COX5A: variants seen among roughly 807,000 people sequenced by gnomAD.
COX5A encodes the protein cytochrome c oxidase subunit 5A, mitochondrial.
COX5A carries 6 observed loss-of-function variants against 16.1 expected under a neutral mutation model. The ratio of observed to expected loss-of-function variants is 0.37; its 90% CI spans 0.20 to 0.73. The LOEUF (loss-of-function observed/expected upper bound fraction) is 0.73. Among genes scored for constraint, COX5A ranks in the 30% least tolerant of loss-of-function variants. The probability of loss-of-function intolerance (pLI) is 0.50; values close to 1 mark genes in which losing one functional copy is unlikely to be tolerated. For missense variants in COX5A, 159 were observed against 194.9 expected (o/e 0.82, Z 1.10); for synonymous variants, 73 against 73.8 (o/e 0.99, Z 0.06).
Position 74,929,171 on chromosome 15 carries a change from A to G in COX5A, c.162T>C (p.Ala54=). 1 of 1,614,176 alleles carries G rather than the reference A, an allele frequency of 6.2e-7. No homozygotes were observed. Among genetic ancestry groups the G allele is most frequent in the Non-Finnish European group, 8.5e-7 (1 of 1,180,020 alleles). Residue 54 remains alanine (A), a synonymous_variant, in exon 2 of 5, where the codon GCT becomes GCC. Coordinates refer to ENST00000322347, the MANE Select transcript of COX5A (RefSeq NM_004255.4). ...GSQETDEEFD[A]RWVTYFNKPD... ...GCTTGTTGAAGTATGTTACCCAGCG[A>G]GCATCAAACTCCTCATCTGTCTCCT...
chr15:74,923,669 A>G lies in COX5A; in HGVS notation c.441T>C (p.Leu147=). 1.2e-6 allele frequency: 2 copies of G among 1,609,262 alleles called. No homozygotes were observed. Among genetic ancestry groups the G allele is most frequent in the South Asian group, 1.1e-5 (1 of 90,934 alleles). The change falls in exon 4 of 5, where the codon CTT becomes CTC. Residue 147 remains leucine, a synonymous_variant. Coordinates refer to ENST00000322347, the MANE Select transcript of COX5A (RefSeq NM_004255.4). ...LGISTPEELG[L]DKV is the part of the protein sequence containing the mutation. Reference sequence around the variant, plus strand: ...TTACCCATGCGGTTTACACTTTGTCAAGGCCCAGTTCCTCCGGAGTGGAGA... The same window carrying G: ...TTACCCATGCGGTTTACACTTTGTCGAGGCCCAGTTCCTCCGGAGTGGAGA...
At chr15:74,937,163 A>G (rs961755899) in intron 1 of COX5A, among the ~76,000 whole-genome samples, 3 of 152,188 alleles carry the variant, frequency 2.0e-5, no homozygotes, top group Non-Finnish European at 4.4e-5. Context: ...ATAGACAAAA[A>G]TCAGAAGCAC....
Position 74,938,038 on chromosome 15 carries a change from T to A in COX5A, c.-24A>T. On this transcript the variant is annotated 5_prime_UTR_variant, in exon 1 of 5. Transcript: ENST00000322347. ...ATGACGGCGATGGCGGCGCGCGGGC[T>A]GAGGACAGAGAGAAGCCGGTGTAAG... The A allele has an allele frequency of 8.2e-7, 1 of 1,224,032 alleles. No individual in the cohort carries two copies. Among genetic ancestry groups the A allele is most frequent in the Non-Finnish European group, 1.0e-6 (1 of 982,014 alleles). 75.8% of individuals were successfully genotyped at this position (1,224,032 alleles called of 1,614,324 possible). A position where few individuals can be genotyped will look rare whatever the true frequency, so the allele number is the denominator to read the frequency against.
Position 74,926,836 on chromosome 15 carries a change from T to G in COX5A, c.269A>C (p.Asp90Ala), listed in dbSNP as rs1595861566. ...CCGTCTGCATGCCCGCAAAGCAGCA[T>G]CAATGATTTTGGGCTCTGGAACCAT... is the stretch of plus-strand genomic sequence containing the variant. ...YDMVPEPKIIDAALRACRRLN... is the reference protein window; with the variant it reads ...YDMVPEPKIIAAALRACRRLN... The change falls in exon 3 of 5, where the codon GAT becomes GCT. Residue 90 changes from aspartate to alanine, a missense_variant. Coordinates refer to ENST00000322347, the MANE Select transcript of COX5A (RefSeq NM_004255.4). 1.2e-6 allele frequency: 2 copies of G among 1,613,918 alleles called. No individual in the cohort carries two copies. Among genetic ancestry groups the G allele is most frequent in the African/African-American group, 2.7e-5 (2 of 74,932 alleles).
chr15:74,934,213 C>A (rs945273910), intron 1 of COX5A, among the ~76,000 whole-genome samples: 2 of 152,108 alleles, frequency 1.3e-5, no homozygotes, highest in South Asian at 4.1e-4. Flanking sequence ...TGCGCCACTG[C>A]ACTCTAGCCT....
intron 1 of COX5A, among the ~76,000 whole-genome samples, chr15:74,937,471 T>C: frequency 6.6e-6 from 1 of 151,900 alleles, no homozygotes; most frequent in East Asian, 1.9e-4. Flanking sequence ...GATTGAAAAG[T>C]ATAATCGTGT....
In COX5A at chr15:74,923,648, C is replaced by T; in HGVS notation, c.*9G>A. On this transcript the variant is annotated splice_region_variant and 3_prime_UTR_variant, in exon 4 of 5. Transcript: ENST00000322347. ...CCTTCTTCAGTGGTTTGTCGCTTAC[C>T]CATGCGGTTTACACTTTGTCAAGGC... is the stretch of plus-strand genomic sequence containing the variant. 1.3e-6 allele frequency: 2 copies of T among 1,559,426 alleles called. No homozygotes were observed. Among genetic ancestry groups the T allele is most frequent in the South Asian group, 2.2e-5 (2 of 89,890 alleles).
At chr15:74,924,349 C>T (rs1030636485) in intron 3 of COX5A, among the ~76,000 whole-genome samples, 1 of 151,844 alleles carries the variant, frequency 6.6e-6, no homozygotes, top group Non-Finnish European at 1.5e-5. Context: ...CCATCCTGAC[C>T]AACATGGTGA....
At chr15:74,921,447 G>A (rs2065320354) in intron 4 of COX5A, among the ~76,000 whole-genome samples, 1 of 147,150 alleles carries the variant, frequency 6.8e-6, no homozygotes, top group African/African-American at 2.5e-5. Context: ...ATCAATCACA[G>A]GGCCAGACGC....
At chr15:74,924,487 C>T (rs2065334948) in intron 3 of COX5A, among the ~76,000 whole-genome samples, 1 of 151,990 alleles carries the variant, frequency 6.6e-6, no homozygotes, top group Admixed American at 6.6e-5. Context: ...TGACACTACA[C>T]TCCAGCCTAG....
Position 74,929,191 on chromosome 15 carries a change from T to G in COX5A, c.142A>C (p.Thr48Pro), listed in dbSNP as rs1275413654. Reference protein sequence around the residue: ...VRCYSHGSQETDEEFDARWVT... With the variant: ...VRCYSHGSQEPDEEFDARWVT... ...CAGCGAGCATCAAACTCCTCATCTG[T>G]CTCCTGTGACCCATGGGAATAGCAG... Residue 48 changes from threonine (T) to proline (P), a missense_variant, in exon 2 of 5, where the codon ACA (threonine) becomes CCA (proline). Physicochemically the swap from Thr to Pro is conservative, Grantham distance 38. Transcript: ENST00000322347. 13 of 1,613,972 alleles carry G rather than the reference T, an allele frequency of 8.1e-6. No individual in the cohort carries two copies. The highest frequency in any genetic ancestry group is 9.3e-6 in the Non-Finnish European group (11 of 1,179,988).
intron 1 of COX5A, among the ~76,000 whole-genome samples, chr15:74,935,624 T>A (rs979753122): frequency 6.7e-5 from 10 of 150,276 alleles, no homozygotes; most frequent in Non-Finnish European, 1.3e-4. Flanking sequence ...AATAAATAAA[T>A]AAATAAAAAA....
intron 4 of COX5A, 141 bp from the exon 5 acceptor site, chr15:74,920,583 G>A: frequency 1.7e-6 from 1 of 584,468 alleles, no homozygotes; most frequent in South Asian, 2.2e-5. Context: ...CCTGCCTACT[G>A]TCAACCCACA....
chr15:74,929,993 G>T (rs527992350), intron 1 of COX5A, among the ~76,000 whole-genome samples: 4 of 151,574 alleles, frequency 2.6e-5, no homozygotes, highest in Non-Finnish European at 5.9e-5. Flanking sequence ...GCAGGAGAAT[G>T]GCGTGAACCT....
chr15:74,922,603 C>T (rs1253113856), intron 4 of COX5A, among the ~76,000 whole-genome samples: 5 of 152,012 alleles, frequency 3.3e-5, no homozygotes, highest in Non-Finnish European at 5.9e-5. Flanking sequence ...AATCCTTCCA[C>T]CTTAGCCTCC....
intron 1 of COX5A, among the ~76,000 whole-genome samples, chr15:74,934,611 G>A (rs936557533): frequency 1.3e-5 from 2 of 152,150 alleles, no homozygotes; most frequent in Non-Finnish European, 1.5e-5. Context: ...GATTACAGGC[G>A]TGAGCCACCA....
intron 1 of COX5A, among the ~76,000 whole-genome samples, chr15:74,932,027 CTGTT>C (rs1260587758): frequency 2.0e-5 from 3 of 152,218 alleles, no homozygotes; most frequent in Non-Finnish European, 4.4e-5. Flanking sequence ...TTCGCTCTCT[CTGTT>C]TGACCCTGGA....
rs538327866 is a variant in COX5A at position 74,936,271 on chromosome 15, A to AAAAAC, written c.100+1639_100+1643dup. ...ACAAGAACGAAACTCTGTCTCAAGA[A>AAAAAC]AAAACAAAACAAAACAAAACAAAAC... On this transcript the variant is annotated intron_variant, in intron 1 of 4. Coordinates refer to ENST00000322347, the MANE Select transcript of COX5A (RefSeq NM_004255.4). 2.6e-3 allele frequency among the ~76,000 whole-genome samples: 391 copies of AAAAAC among 151,838 alleles called. 2 individuals are homozygous for AAAAAC. Among genetic ancestry groups the AAAAAC allele is most frequent in the African/African-American group, 9.0e-3 (373 of 41,410 alleles).
At position 74,920,079 on chromosome 15, in the gene COX5A, T is replaced by C. The variant is rs1282167301; in HGVS notation, c.*373A>G. 7 of 386,976 alleles carry C rather than the reference T, an allele frequency of 1.8e-5. No individual in the cohort carries two copies. Among genetic ancestry groups the C allele is most frequent in the South Asian group, 1.1e-4 (3 of 26,632 alleles). The allele number at this position is 386,976 out of a possible 1,614,324, so 24.0% of individuals were successfully genotyped here. ...CTAGGGTGTCAACAAGAAAATTCTA[T>C]ATAAATGACTTCTAGCCTTCAGCTA... On this transcript the variant is annotated 3_prime_UTR_variant, in exon 5 of 5. Coordinates refer to ENST00000322347, the MANE Select transcript of COX5A (RefSeq NM_004255.4).
Sources: allele counts gnomAD v4.1 joint callset (sites outside exome capture counted in the v4.1 genomes callset), GRCh38; gene constraint gnomAD v4.1.1; transcripts MANE v1.5; gene names NCBI Gene and HGNC (gene_info 2026-07-23, HGNC 2026-07-21).